COL24A1: variants seen among roughly 807,000 people sequenced by gnomAD.
The protein encoded by COL24A1 is collagen alpha-1(XXIV) chain.
A neutral mutation model predicts 253.9 loss-of-function variants in COL24A1; 224 were observed. That is an observed-to-expected ratio of 0.88 (90% CI 0.79 to 0.99). The LOEUF (loss-of-function observed/expected upper bound fraction) is 0.99. Among genes scored for constraint, COL24A1 ranks in the 50% least tolerant of loss-of-function variants. The probability of loss-of-function intolerance (pLI) is 0.00; values close to 1 mark genes in which losing one functional copy is unlikely to be tolerated. For missense variants in COL24A1, 2,131 were observed against 2,068.5 expected, an observed-to-expected ratio of 1.03 and a Z score of -0.59; for synonymous variants, 685 against 673.7, an observed-to-expected ratio of 1.02 and a Z score of -0.26.
intron 55 of COL24A1, among the ~76,000 whole-genome samples, chr1:85,759,571 T>C (rs1666630395): frequency 6.6e-6 from 1 of 152,160 alleles, no homozygotes; most frequent in Non-Finnish European, 1.5e-5. Context: ...TGTTTTCATA[T>C]TGGCCAAGAA....
intron 7 of COL24A1, among the ~76,000 whole-genome samples, chr1:86,065,545 C>T (rs572522751): frequency 2.6e-5 from 4 of 152,116 alleles, no homozygotes; most frequent in Non-Finnish European, 5.9e-5. Flanking sequence ...TTCCCCACCT[C>T]AGCCCCAGGA....
chr1:85,879,248 T>TGG (rs1681546485), intron 32 of COL24A1, among the ~76,000 whole-genome samples: 1 of 76,046 alleles, frequency 1.3e-5, no homozygotes, highest in African/African-American at 7.6e-5. Flanking sequence ...ATTTTGAGGG[T>TGG]GTGTGTGTGT....
intron 43 of COL24A1, among the ~76,000 whole-genome samples, chr1:85,830,505 G>T (rs912609476): frequency 6.6e-6 from 1 of 152,154 alleles, no homozygotes; most frequent in African/African-American, 2.4e-5. Flanking sequence ...GCAATGGCGG[G>T]TGCCCCTCCC....
chr1:85,745,476 C>A lies in COL24A1; in HGVS notation c.4468G>T (p.Ala1490Ser). ...AGGGCAGTATTTGATTCAATCAAGG[C>A]TTGAATAGCAGCATTGATATCCATT... is the stretch of plus-strand genomic sequence containing the variant. ...KQMDINAAIQ[A>S]LIESNTALQM... The change falls in exon 56 of 60, where the codon GCC (alanine) becomes TCC (serine). Residue 1490 changes from alanine to serine, a missense_variant. By Grantham distance (99) the Ala-to-Ser change is moderately conservative (BLOSUM62 1). Transcript: ENST00000370571. 1 of 1,610,062 alleles carries A rather than the reference C, an allele frequency of 6.2e-7. No individual in the cohort carries two copies. Among genetic ancestry groups the A allele is most frequent in the Non-Finnish European group, 8.5e-7 (1 of 1,178,418 alleles).
At position 85,784,320 on chromosome 1, in the gene COL24A1, C is replaced by A; in HGVS notation, c.4106G>T (p.Gly1369Val). The stretch of plus-strand genomic sequence containing the variant: ...TTGATCACCTTGTGCTCCTCGGTGA[C>A]CTCTTTTACCTTGAATTCCAGGTTG... Reference protein sequence around the residue: ...PGQPGIQGKRGHRGAQGDQGP... With the variant: ...PGQPGIQGKRVHRGAQGDQGP... The change falls in exon 49 of 60, where the codon GGT becomes GTT. Residue 1369 changes from glycine to valine, a missense_variant. By Grantham distance (109) the Gly-to-Val change is moderately radical. Transcript: ENST00000370571. 6.2e-7 allele frequency: 1 copy of A among 1,614,002 alleles called. No homozygotes were observed.
intron 37 of COL24A1, among the ~76,000 whole-genome samples, chr1:85,854,711 G>GTTT (rs33970078): frequency 3.7e-4 from 53 of 143,690 alleles, no homozygotes; most frequent in Non-Finnish European, 3.1e-4. Context: ...CTAGGTTTTT[G>GTTT]TTTTTTTTTT....
intron 5 of COL24A1, among the ~76,000 whole-genome samples, chr1:86,100,649 G>A (rs1704365681): frequency 6.6e-6 from 1 of 152,080 alleles, no homozygotes; most frequent in African/African-American, 2.4e-5. Flanking sequence ...CAGCATTGGG[G>A]TCTGGTCACC....
At chr1:86,114,541 T>C (rs57475826) in intron 4 of COL24A1, among the ~76,000 whole-genome samples, 6,247 of 152,138 alleles carry the variant, frequency 0.041, 442 homozygotes, top group African/African-American at 0.14. Flanking sequence ...TGATAGGTCA[T>C]CAACTACAGA....
intron 55 of COL24A1, among the ~76,000 whole-genome samples, chr1:85,757,480 G>A (rs1357975164): frequency 1.3e-5 from 2 of 152,188 alleles, no homozygotes; most frequent in Non-Finnish European, 2.9e-5. Context: ...ACTATTAGTA[G>A]ATTAGTAGTG....
At chr1:86,059,992 C>T (rs1044951792) in intron 8 of COL24A1, among the ~76,000 whole-genome samples, 1 of 152,036 alleles carries the variant, frequency 6.6e-6, no homozygotes, top group Admixed American at 6.6e-5. Context: ...GTTTATAAGC[C>T]ACCCAGTCTA....
intron 19 of COL24A1, among the ~76,000 whole-genome samples, chr1:86,003,412 C>T (rs1695623690): frequency 6.6e-6 from 1 of 152,056 alleles, no homozygotes; most frequent in Non-Finnish European, 1.5e-5. Flanking sequence ...TAGCCCAAAC[C>T]CCAATGTCAC....
At chr1:85,813,035 AGT>A (rs1672701908) in intron 47 of COL24A1, among the ~76,000 whole-genome samples, 1 of 152,222 alleles carries the variant, frequency 6.6e-6, no homozygotes, top group Non-Finnish European at 1.5e-5. Context: ...TTCTTCTGGT[AGT>A]TAAAATGTAG....
At chr1:86,017,117 T>A (rs1446464999) in intron 19 of COL24A1, 34 bp downstream of exon 19, 1 of 1,569,692 alleles carries the variant, frequency 6.4e-7, no homozygotes, top group Admixed American at 1.8e-5. Context: ...CACCATTTTG[T>A]TTCAAATTTA....
chr1:86,131,232 C>A (rs1434916493), intron 2 of COL24A1, among the ~76,000 whole-genome samples: 2 of 151,936 alleles, frequency 1.3e-5, no homozygotes, highest in Admixed American at 1.3e-4. Context: ...ACCATATTGA[C>A]CATTCTTGAT....
chr1:85,941,110 C>T (rs1288071342), intron 24 of COL24A1, among the ~76,000 whole-genome samples: 1 of 152,142 alleles, frequency 6.6e-6, no homozygotes, highest in African/African-American at 2.4e-5. Flanking sequence ...ATCTGAATTG[C>T]AAACTCTTCC....
At position 85,784,160 on chromosome 1, in the gene COL24A1, A is replaced by C; in HGVS notation, c.4174T>G (p.Tyr1392Asp). The C allele has an allele frequency of 1.2e-6, 2 of 1,613,726 alleles. No homozygotes were observed. Among genetic ancestry groups the C allele is most frequent in the Non-Finnish European group, 8.5e-7 (1 of 1,179,764 alleles). Residue 1392 changes from tyrosine to aspartate, a missense_variant, in exon 50 of 60, where the codon TAT (tyrosine) becomes GAT (aspartate). Tyr to Asp is a radical substitution (Grantham distance 160). Transcript: ENST00000370571. The stretch of plus-strand genomic sequence containing the variant: ...AAACCTGTCAAACCTTGAACACCAT[A>C]TTCTCCCTGCAAAGTGAATTGACAT... ...DPGLKGQPGEYGVQGLTGFQG... is the reference protein window; with the variant it reads ...DPGLKGQPGEDGVQGLTGFQG...
intron 52 of COL24A1, among the ~76,000 whole-genome samples, chr1:85,779,626 G>T (rs555529964): frequency 6.6e-6 from 1 of 152,162 alleles, no homozygotes; most frequent in South Asian, 2.1e-4. Flanking sequence ...TTGGTTCAGG[G>T]TTCCTATTAT....
intron 19 of COL24A1, among the ~76,000 whole-genome samples, chr1:86,002,040 A>T (rs1695466127): frequency 6.6e-6 from 1 of 152,206 alleles, no homozygotes; most frequent in South Asian, 2.1e-4. Flanking sequence ...TTTCTTAGTA[A>T]TTGACATATA....
At chr1:85,925,279 A>G (rs1156975223) in intron 24 of COL24A1, among the ~76,000 whole-genome samples, 1 of 152,196 alleles carries the variant, frequency 6.6e-6, no homozygotes, top group East Asian at 1.9e-4. Context: ...TGCCATCCCC[A>G]TGAAGCTACC....
Sources: allele counts gnomAD v4.1 joint callset (sites outside exome capture counted in the v4.1 genomes callset), GRCh38; gene constraint gnomAD v4.1.1; transcripts MANE v1.5; gene names NCBI Gene and HGNC (gene_info 2026-07-23, HGNC 2026-07-21).